The following CAMTA1 variants were observed in gnomAD, a reference collection of about 807,000 sequenced individuals.
The protein encoded by CAMTA1 is calmodulin-binding transcription activator 1.
In CAMTA1, 27 loss-of-function variants were observed where a neutral mutation model predicts 170.9. The observed-to-expected ratio is 0.16, with a 90% CI of 0.12 to 0.22. CAMTA1 has a LOEUF of 0.22. Among genes scored for constraint, CAMTA1 ranks in the 10% least tolerant of loss-of-function variants. CAMTA1 has a pLI of 1.00. For synonymous variants in CAMTA1, 833 were observed against 891.5 expected (o/e 0.93, Z 1.17); for missense variants, 1,619 against 2,217.2 (o/e 0.73, Z 5.42).
At chr1:7,342,762 C>G (rs1397526530) in intron 5 of CAMTA1, among the ~76,000 whole-genome samples, 1 of 152,206 alleles carries the variant, frequency 6.6e-6, no homozygotes, top group Admixed American at 6.5e-5. Flanking sequence ...ACCAGAAACT[C>G]AGGTAGCTGA....
At position 7,585,752 on chromosome 1, in the gene CAMTA1, C is replaced by T. The variant is rs539446090; in HGVS notation, c.511-54648C>T. On this transcript the variant is annotated intron_variant, in intron 6 of 22. Coordinates refer to ENST00000303635, the MANE Select transcript of CAMTA1 (RefSeq NM_015215.4). The surrounding 1 kb of genome is among the most constrained non-coding windows in gnomAD (Gnocchi z 4.8). The stretch of plus-strand genomic sequence containing the variant: ...CCAGTTCATACATCCTAGAGGGGGG[C>T]TCTCTTGTGGACAGACAGGCCAGAG... Among the ~76,000 whole-genome samples, 5 of 151,008 alleles carry T rather than the reference C, an allele frequency of 3.3e-5. No individual in the cohort carries two copies. The highest frequency in any genetic ancestry group is 1.9e-4 in the East Asian group (1 of 5,146).
At chr1:7,035,720 T>G (rs1195214093) in intron 3 of CAMTA1, among the ~76,000 whole-genome samples, 1 of 152,218 alleles carries the variant, frequency 6.6e-6, no homozygotes, top group Non-Finnish European at 1.5e-5. Flanking sequence ...GCAGACCATA[T>G]TTGGAGAACT....
chr1:6,943,517 C>T (rs1399435549), intron 3 of CAMTA1, among the ~76,000 whole-genome samples: 2 of 152,166 alleles, frequency 1.3e-5, no homozygotes, highest in Non-Finnish European at 1.5e-5. Context: ...GCCAGGGATT[C>T]TGCTTTCCTT....
chr1:7,697,896 C>T (rs946469041), intron 11 of CAMTA1, among the ~76,000 whole-genome samples: 1 of 152,182 alleles, frequency 6.6e-6, no homozygotes, highest in African/African-American at 2.4e-5. Flanking sequence ...GTATAACAAG[C>T]CAACCCAAAG....
intron 5 of CAMTA1, among the ~76,000 whole-genome samples, chr1:7,464,253 C>T (rs1280031338): frequency 4.6e-5 from 7 of 152,172 alleles, no homozygotes; most frequent in African/African-American, 1.7e-4. Context: ...CGCGTGTGCA[C>T]CTCACACGCG....
intron 6 of CAMTA1, among the ~76,000 whole-genome samples, chr1:7,504,843 C>T (rs994563847): frequency 5.3e-5 from 8 of 152,266 alleles, no homozygotes; most frequent in African/African-American, 1.9e-4. Flanking sequence ...ACACAGCTGG[C>T]CTTTCTCAGA....
chr1:7,694,772 G>C (rs1409710723), intron 11 of CAMTA1: 1 of 152,372 alleles, frequency 6.6e-6, no homozygotes, highest in Non-Finnish European at 1.5e-5. Flanking sequence ...TCCCCTCCTC[G>C]ATGGCTACTC....
At chr1:7,096,700 C>T (rs1412567950) in intron 4 of CAMTA1, among the ~76,000 whole-genome samples, 2 of 152,158 alleles carry the variant, frequency 1.3e-5, no homozygotes, top group African/African-American at 4.8e-5. Context: ...GTATGTTTTC[C>T]CCCAGGTTCA....
intron 4 of CAMTA1, among the ~76,000 whole-genome samples, chr1:7,201,297 G>A (rs537170774): frequency 6.6e-6 from 1 of 152,146 alleles, no homozygotes; most frequent in African/African-American, 2.4e-5. Flanking sequence ...TTCATTATAT[G>A]GATATAACTC....
intron 6 of CAMTA1, among the ~76,000 whole-genome samples, chr1:7,498,516 T>C (rs56141547): frequency 0.049 from 7,465 of 151,946 alleles, 409 homozygotes; most frequent in African/African-American, 0.14. Context: ...TGGGTGTATA[T>C]GCATAGGAAT....
chr1:7,153,297 C>T (rs572196134), intron 4 of CAMTA1, among the ~76,000 whole-genome samples: 8 of 152,164 alleles, frequency 5.3e-5, no homozygotes, highest in African/African-American at 1.4e-4. Flanking sequence ...ATCAGGAGCA[C>T]GGTGATCTTT....
chr1:7,661,947 G>C, intron 8 of CAMTA1, 81 bp downstream of exon 8: 7 of 1,477,670 alleles, frequency 4.7e-6, no homozygotes, highest in Non-Finnish European at 5.5e-6. Context: ...TGTCCTCTGT[G>C]GGAGTAGCCA....
intron 5 of CAMTA1, among the ~76,000 whole-genome samples, chr1:7,376,422 T>C (rs532524015): frequency 1.7e-4 from 26 of 152,238 alleles, no homozygotes; most frequent in African/African-American, 6.0e-4. Context: ...CCACCACACA[T>C]ACACGTGAGC....
At chr1:7,165,903 TA>T (rs112519939) in intron 4 of CAMTA1, among the ~76,000 whole-genome samples, 1 of 152,154 alleles carries the variant, frequency 6.6e-6, no homozygotes, top group Non-Finnish European at 1.5e-5. Flanking sequence ...TAGAGAGAGA[TA>T]GGGGTGTGTG....
At chr1:7,315,533 A>G (rs1677364107) in intron 5 of CAMTA1, among the ~76,000 whole-genome samples, 1 of 152,074 alleles carries the variant, frequency 6.6e-6, no homozygotes, top group South Asian at 2.1e-4. Context: ...AACATGGACA[A>G]CTCTTTAAAC....
At chr1:7,168,071 G>C (rs1648855385) in intron 4 of CAMTA1, among the ~76,000 whole-genome samples, 1 of 152,102 alleles carries the variant, frequency 6.6e-6, no homozygotes, top group Non-Finnish European at 1.5e-5. Flanking sequence ...TCTATCTTAG[G>C]TTAAACACTA....
intron 3 of CAMTA1, among the ~76,000 whole-genome samples, chr1:7,020,766 G>A (rs1701226370): frequency 1.3e-5 from 2 of 152,212 alleles, no homozygotes; most frequent in Non-Finnish European, 2.9e-5. Context: ...ATCAGAGACA[G>A]AGCTGGAGAG....
At chr1:6,870,707 C>T (rs1668163856) in intron 3 of CAMTA1, among the ~76,000 whole-genome samples, 1 of 152,118 alleles carries the variant, frequency 6.6e-6, no homozygotes, top group South Asian at 2.1e-4. Flanking sequence ...GTTCTTTTTC[C>T]TGGTTATGCT....
At chr1:7,649,265 C>G (rs549437239) in intron 7 of CAMTA1, among the ~76,000 whole-genome samples, 5 of 152,252 alleles carry the variant, frequency 3.3e-5, no homozygotes, top group Non-Finnish European at 7.3e-5. Context: ...TGTGTCCCCA[C>G]GGCAGCCCAG....
Sources: allele counts gnomAD v4.1 joint callset (sites outside exome capture counted in the v4.1 genomes callset), GRCh38; gene constraint gnomAD v4.1.1; non-coding constraint Gnocchi (gnomAD v3.1); transcripts MANE v1.5; gene names NCBI Gene and HGNC (gene_info 2026-07-23, HGNC 2026-07-21).